TTC28: variants seen among roughly 807,000 people sequenced by gnomAD.
The protein encoded by TTC28 is tetratricopeptide repeat domain 28.
TTC28 carries 61 observed loss-of-function variants against 198.0 expected under a neutral mutation model. The ratio of observed to expected loss-of-function variants is 0.31; its 90% CI spans 0.25 to 0.38. The LOEUF (loss-of-function observed/expected upper bound fraction) is 0.38, where lower values mean the gene tolerates loss of function less well. Among genes scored for constraint, TTC28 ranks in the 10% least tolerant of loss-of-function variants. The pLI is 1.00. For missense variants in TTC28, 2,678 were observed against 3,164.0 expected (o/e 0.85, Z 3.69); for synonymous variants, 1,171 against 1,297.8 (o/e 0.90, Z 2.10).
At chr22:28,606,954 G>GC (rs549995226) in intron 2 of TTC28, among the ~76,000 whole-genome samples, 246 of 152,264 alleles carry the variant, frequency 1.6e-3, no homozygotes, top group African/African-American at 5.5e-3. Flanking sequence ...AGTATTTTAA[G>GC]CTGAAGTAAT....
chr22:28,124,198 G>GT (rs1555919224), intron 6 of TTC28, among the ~76,000 whole-genome samples: 1 of 138,166 alleles, frequency 7.2e-6, no homozygotes, highest in African/African-American at 2.7e-5. Context: ...TGTTGTTGTT[G>GT]TTTGTTTTTT....
At position 28,204,766 on chromosome 22, in the gene TTC28, A is replaced by G. The variant is rs1295208838; in HGVS notation, c.934-41167T>C. ...AAATCCCAATCCATTTGGGATATTA[A>G]TTATGATAAAAATGTATTAAATACT... is the stretch of plus-strand genomic sequence containing the variant. On this transcript the variant is annotated intron_variant, in intron 5 of 22. Transcript: ENST00000397906. Among the ~76,000 whole-genome samples the G allele has an allele frequency of 5.3e-5, 8 of 152,184 alleles. 1 individual carries two copies. The highest frequency in any genetic ancestry group is 5.2e-4 in the Admixed American group (8 of 15,278).
chr22:28,198,806 A>G, intron 5 of TTC28, among the ~76,000 whole-genome samples: 1 of 152,140 alleles, frequency 6.6e-6, no homozygotes, highest in Non-Finnish European at 1.5e-5. Flanking sequence ...TAGCAGTTGG[A>G]AAGAGCATGG....
chr22:28,532,384 A>G (rs1191931587), intron 2 of TTC28, among the ~76,000 whole-genome samples: 14 of 152,326 alleles, frequency 9.2e-5, no homozygotes, highest in African/African-American at 2.6e-4. Flanking sequence ...GAATACACCA[A>G]TAACATGCTC....
At chr22:28,363,523 G>C (rs2046192433) in intron 2 of TTC28, among the ~76,000 whole-genome samples, 1 of 152,142 alleles carries the variant, frequency 6.6e-6, no homozygotes, top group Admixed American at 6.5e-5. Flanking sequence ...GTCCCTACTG[G>C]GGCACCGCCT....
chr22:28,225,381 AAG>A (rs1217169870), intron 5 of TTC28, among the ~76,000 whole-genome samples: 31 of 150,978 alleles, frequency 2.1e-4, no homozygotes, highest in Admixed American at 1.6e-3. Flanking sequence ...GAAGAAGAAG[AAG>A]AAGAAGAAGA....
intron 2 of TTC28, among the ~76,000 whole-genome samples, chr22:28,401,238 C>T (rs78819007): frequency 0.014 from 2,057 of 151,476 alleles, 37 homozygotes; most frequent in East Asian, 0.07. Flanking sequence ...ACGATGACGA[C>T]GACGACGACG....
intron 6 of TTC28, among the ~76,000 whole-genome samples, chr22:28,121,623 A>G (rs913591923): frequency 2.0e-5 from 3 of 152,212 alleles, no homozygotes; most frequent in African/African-American, 7.2e-5. Flanking sequence ...AAATTTAAAA[A>G]ATTTCTGTTA....
chr22:28,672,911 G>A (rs775716810), intron 1 of TTC28, among the ~76,000 whole-genome samples: 1 of 152,164 alleles, frequency 6.6e-6, no homozygotes, highest in Non-Finnish European at 1.5e-5. Flanking sequence ...GATTAATAGC[G>A]TAAAACTAAC....
At chr22:28,635,671 G>T (rs2051257839) in intron 1 of TTC28, among the ~76,000 whole-genome samples, 1 of 151,910 alleles carries the variant, frequency 6.6e-6, no homozygotes, top group African/African-American at 2.4e-5. Context: ...GCTTTATTGA[G>T]GTATAAACTG....
chr22:28,030,826 T>C (rs960515784), intron 12 of TTC28, among the ~76,000 whole-genome samples: 5 of 152,198 alleles, frequency 3.3e-5, no homozygotes, highest in Admixed American at 2.6e-4. Context: ...CTACATTGTG[T>C]TGGGTACTGT....
intron 6 of TTC28, among the ~76,000 whole-genome samples, chr22:28,117,431 T>C (rs1199514031): frequency 6.6e-6 from 1 of 152,228 alleles, no homozygotes; most frequent in African/African-American, 2.4e-5. Context: ...TTACAAATCA[T>C]ATTCTAACAA....
intron 5 of TTC28, among the ~76,000 whole-genome samples, chr22:28,256,144 G>T (rs1930898623): frequency 6.6e-6 from 1 of 151,856 alleles, no homozygotes; most frequent in South Asian, 2.1e-4. Flanking sequence ...AGTAGAGGAT[G>T]GGTGTGGCGG....
intron 5 of TTC28, among the ~76,000 whole-genome samples, chr22:28,174,778 T>C (rs1923000441): frequency 6.6e-6 from 1 of 152,100 alleles, no homozygotes; most frequent in African/African-American, 2.4e-5. Context: ...CCAACACATA[T>C]CCAACATATA....
chr22:28,607,517 C>A (rs1252424588), intron 2 of TTC28, among the ~76,000 whole-genome samples: 1 of 152,000 alleles, frequency 6.6e-6, no homozygotes, highest in African/African-American at 2.4e-5. Context: ...TAAAATTATG[C>A]AAATAATTAC....
In TTC28 at chr22:28,655,990, T is replaced by C. The variant is rs531176465; in HGVS notation, c.102+23632A>G. ...AGTTAGAAGACAGAAACTACATCAG[T>C]TATTTGAACAGATAAAATGTAATAC... On this transcript the variant is annotated intron_variant, in intron 1 of 22. Transcript: ENST00000397906. Among the ~76,000 whole-genome samples, 15 of 152,302 alleles carry C rather than the reference T, an allele frequency of 9.8e-5. No individual in the cohort carries two copies. In the South Asian group the frequency reaches 3.1e-3, roughly 32 times the overall value.
intron 12 of TTC28, among the ~76,000 whole-genome samples, chr22:28,067,826 G>A (rs1341384268): frequency 1.3e-5 from 2 of 152,160 alleles, no homozygotes; most frequent in Non-Finnish European, 2.9e-5. Flanking sequence ...CTTTTAAGCA[G>A]AGTTATATCA....
chr22:28,659,961 A>G (rs1336826038), intron 1 of TTC28, among the ~76,000 whole-genome samples: 4 of 150,690 alleles, frequency 2.7e-5, no homozygotes, highest in African/African-American at 7.3e-5. Context: ...ACCACGCCCA[A>G]CTAATTTTTG....
intron 12 of TTC28, among the ~76,000 whole-genome samples, chr22:28,059,665 G>T (rs1940431700): frequency 6.6e-6 from 1 of 152,022 alleles, no homozygotes; most frequent in African/African-American, 2.4e-5. Flanking sequence ...AAATACAACT[G>T]CAGAAATATC....
Sources: gnomAD v4.1 joint callset for allele counts (sites outside exome capture counted in the v4.1 genomes callset) on GRCh38, gnomAD v4.1.1 for gene constraint, MANE v1.5 for transcripts, NCBI Gene and HGNC (gene_info 2026-07-23, HGNC 2026-07-21) for gene names.